Variants in DIP2C observed in about 807,000 individuals in gnomAD.
DIP2C encodes DIP2 acetate--CoA ligase C (putative), also known as disco-interacting protein 2 homolog C.
A neutral mutation model predicts 192.4 loss-of-function variants in DIP2C; 33 were observed. The observed-to-expected ratio is 0.17, with a 90% CI of 0.13 to 0.23. The LOEUF (loss-of-function observed/expected upper bound fraction) is 0.23, where lower values mean the gene tolerates loss of function less well. DIP2C is among the 10% of genes least tolerant of loss of function. The pLI is 1.00. For missense variants in DIP2C, 1,537 were observed against 2,110.1 expected (o/e 0.73, Z 5.32); for synonymous variants, 979 against 864.1 (o/e 1.13, Z -2.33).
intron 1 of DIP2C, among the ~76,000 whole-genome samples, chr10:610,857 C>G (rs1252618033): frequency 6.8e-6 from 1 of 147,502 alleles, no homozygotes; most frequent in Admixed American, 6.7e-5. Context: ...GTGACTGACT[C>G]ATGGGGGTGG....
intron 3 of DIP2C, among the ~76,000 whole-genome samples, chr10:450,577 C>G (rs1968770865): frequency 6.6e-6 from 1 of 152,152 alleles, no homozygotes; most frequent in African/African-American, 2.4e-5. Context: ...GCCACTGGGA[C>G]ACACACTTTG....
At chr10:294,603 A>G (rs1242415321) in intron 32 of DIP2C, among the ~76,000 whole-genome samples, 2 of 151,936 alleles carry the variant, frequency 1.3e-5, no homozygotes, top group Non-Finnish European at 2.9e-5. Context: ...AAAAAAAGAA[A>G]AAAAAAAAAG....
At chr10:470,233 A>G (rs1970519094) in intron 3 of DIP2C, among the ~76,000 whole-genome samples, 1 of 152,248 alleles carries the variant, frequency 6.6e-6, no homozygotes, top group South Asian at 2.1e-4. Flanking sequence ...CGATGGAGAC[A>G]TGAGTCAGGA....
intron 1 of DIP2C, among the ~76,000 whole-genome samples, chr10:577,948 G>GA (rs941686533): frequency 1.1e-4 from 17 of 151,936 alleles, no homozygotes; most frequent in African/African-American, 4.1e-4. Flanking sequence ...CTTCTGTTCT[G>GA]AAAAATCAGA....
intron 1 of DIP2C, among the ~76,000 whole-genome samples, chr10:580,410 G>A (rs61831059): frequency 0.04 from 6,011 of 150,986 alleles, 242 homozygotes; most frequent in African/African-American, 0.1. Context: ...ATACCCATAT[G>A]GTGTATGTAC....
At chr10:311,238 T>C (rs1016116170) in intron 31 of DIP2C, among the ~76,000 whole-genome samples, 1 of 151,896 alleles carries the variant, frequency 6.6e-6, no homozygotes, top group Admixed American at 6.6e-5. Flanking sequence ...TAATGCAAAA[T>C]ACAGCCATGG....
At chr10:559,557 T>C (rs1381714002) in intron 1 of DIP2C, among the ~76,000 whole-genome samples, 2 of 152,218 alleles carry the variant, frequency 1.3e-5, no homozygotes, top group Non-Finnish European at 2.9e-5. Flanking sequence ...TCAGAGCAGA[T>C]GCAACACTGG....
At chr10:575,716 G>T (rs532381603) in intron 1 of DIP2C, among the ~76,000 whole-genome samples, 40 of 152,326 alleles carry the variant, frequency 2.6e-4, no homozygotes, top group African/African-American at 9.1e-4. Flanking sequence ...CACAGAGGAA[G>T]TCATAGGGAG....
chr10:600,382 T>A (rs1194619149), intron 1 of DIP2C, among the ~76,000 whole-genome samples: 1 of 150,068 alleles, frequency 6.7e-6, no homozygotes, highest in Admixed American at 6.7e-5. Context: ...AAAGCCTGAA[T>A]GTGGGAACAT....
chr10:573,704 CG>C (rs1467156280), intron 1 of DIP2C, among the ~76,000 whole-genome samples: 3 of 152,014 alleles, frequency 2.0e-5, no homozygotes, highest in Non-Finnish European at 4.4e-5. Flanking sequence ...GCCATCACGC[CG>C]GCTTTTTTTT....
chr10:526,908 G>A (rs189220432), intron 1 of DIP2C, among the ~76,000 whole-genome samples: 86 of 152,278 alleles, frequency 5.6e-4, no homozygotes, highest in South Asian at 4.8e-3. Flanking sequence ...CCAGCCCTCC[G>A]CCTGTCCAGG....
At chr10:345,158 A>G (rs778171641) in intron 26 of DIP2C, 48 bp from the exon 27 acceptor site, 1 of 1,544,690 alleles carries the variant, frequency 6.5e-7, no homozygotes, top group Non-Finnish European at 8.8e-7. Context: ...ACCCAGATGA[A>G]AGCGTGCTCA....
intron 1 of DIP2C, among the ~76,000 whole-genome samples, chr10:670,397 C>T (rs1210774732): frequency 5.3e-5 from 8 of 152,218 alleles, no homozygotes; most frequent in Middle Eastern, 3.4e-3. Context: ...TACACGCATA[C>T]GTAAGTATCA....
chr10:414,729 G>A (rs1393341724), intron 7 of DIP2C, among the ~76,000 whole-genome samples: 1,665 of 69,236 alleles, frequency 0.024, 76 homozygotes, highest in African/African-American at 0.086. Context: ...GTGTGTGTGT[G>A]TGTGTGTGTG....
intron 17 of DIP2C, among the ~76,000 whole-genome samples, chr10:373,835 C>T (rs948149558): frequency 1.3e-5 from 2 of 152,182 alleles, no homozygotes; most frequent in Non-Finnish European, 2.9e-5. Context: ...TAAGATCATG[C>T]GCTTGCCCTT....
intron 1 of DIP2C, among the ~76,000 whole-genome samples, chr10:492,739 T>C (rs900071647): frequency 2.0e-5 from 3 of 152,220 alleles, no homozygotes; most frequent in African/African-American, 7.2e-5. Flanking sequence ...TTTACCTTTT[T>C]GGTTTTAAAT....
chr10:571,405 C>A (rs370910948), intron 1 of DIP2C, among the ~76,000 whole-genome samples: 2 of 152,144 alleles, frequency 1.3e-5, no homozygotes, highest in Non-Finnish European at 2.9e-5. Flanking sequence ...GGTCGGGAAC[C>A]GGCTCCGGGG....
chr10:552,686 T>C (rs1848648417), intron 1 of DIP2C, among the ~76,000 whole-genome samples: 1 of 152,116 alleles, frequency 6.6e-6, no homozygotes, highest in Non-Finnish European at 1.5e-5. Flanking sequence ...CCGTCTCTAG[T>C]AAAAATACAA....
At chr10:454,341 T>A (rs1433338283) in intron 3 of DIP2C, among the ~76,000 whole-genome samples, 1 of 152,202 alleles carries the variant, frequency 6.6e-6, no homozygotes. Context: ...TTAACAGCGT[T>A]TCTTAAAGTA....
Sources: gnomAD v4.1 joint callset for allele counts (sites outside exome capture counted in the v4.1 genomes callset) on GRCh38, gnomAD v4.1.1 for gene constraint, MANE v1.5 for transcripts, NCBI Gene and HGNC (gene_info 2026-07-23, HGNC 2026-07-21) for gene names.